SNX32: variants seen among roughly 807,000 people sequenced by gnomAD.
SNX32 encodes sorting nexin-32.
A neutral mutation model predicts 57.0 loss-of-function variants in SNX32; 58 were observed. The ratio of observed to expected loss-of-function variants is 1.02; its 90% CI spans 0.82 to 1.27. The LOEUF (loss-of-function observed/expected upper bound fraction) is 1.27, where lower values mean the gene tolerates loss of function less well. Among genes scored for constraint, SNX32 ranks in the 50% most tolerant of loss-of-function variants. The probability of loss-of-function intolerance (pLI) is 0.00; values close to 1 mark genes in which losing one functional copy is unlikely to be tolerated. For missense variants in SNX32, 589 were observed against 541.2 expected (o/e 1.09, Z -0.88); for synonymous variants, 262 against 220.4 (o/e 1.19, Z -1.67).
intron 1 of SNX32, among the ~76,000 whole-genome samples, chr11:65,844,040 T>C (rs1178180648): frequency 6.6e-6 from 1 of 152,048 alleles, no homozygotes; most frequent in Non-Finnish European, 1.5e-5. Context: ...ACTAACAGGG[T>C]GAAAGTAAAA....
At chr11:65,853,101 G>A in intron 12 of SNX32, 143 bp downstream of exon 12, 1 of 1,268,272 alleles carries the variant, frequency 7.9e-7, no homozygotes, top group African/African-American at 1.5e-5. Context: ...CCCCAGCTAA[G>A]GCTTGGGGCC....
At chr11:65,852,048 A>T (rs935663121) in intron 9 of SNX32, among the ~76,000 whole-genome samples, 1 of 152,018 alleles carries the variant, frequency 6.6e-6, no homozygotes, top group African/African-American at 2.4e-5. Flanking sequence ...TCTTCCTAAA[A>T]TGTCTATTGG....
intron 6 of SNX32, 33 bp downstream of exon 6, chr11:65,850,888 C>T (rs769922994): frequency 4.4e-6 from 7 of 1,586,816 alleles, no homozygotes; most frequent in Middle Eastern, 1.7e-4. Flanking sequence ...GGATTCAACC[C>T]AGCACCTCAA....
At chr11:65,849,354 A>G in intron 1 of SNX32, 124 bp from the exon 2 acceptor site, 1 of 714,818 alleles carries the variant, frequency 1.4e-6, no homozygotes, top group Non-Finnish European at 2.4e-6. Flanking sequence ...CTCTCTGGTG[A>G]CCTGGGGCAT....
At chr11:65,851,826 T>G (rs1418221128) in intron 9 of SNX32, 147 bp downstream of exon 9, 2 of 860,870 alleles carry the variant, frequency 2.3e-6, no homozygotes, top group African/African-American at 3.4e-5. Flanking sequence ...CCAGACTAGT[T>G]TAACAAAAGG....
intron 1 of SNX32, among the ~76,000 whole-genome samples, chr11:65,839,215 A>ATTTTTTTTTTTTTTTTTTTTTTTTT (rs1555032605): frequency 3.1e-4 from 6 of 19,512 alleles, no homozygotes; most frequent in African/African-American, 2.7e-4. Flanking sequence ...CGCCCAGCTA[A>ATTTTTTTTTTTTTTTTTTTTTTTTT]TTTTTTTGTA....
Position 65,850,043 on chromosome 11 carries a change from T to C in SNX32, c.252+13T>C, listed in dbSNP as rs747674281. ...CGCCGGCCTCATCGTGAGGAGGGGC[T>C]GGGCAGGGGCTGGGAGGGACAGGCA... On this transcript the variant is annotated intron_variant, in intron 3 of 12. Transcript: ENST00000308342. The C allele has an allele frequency of 2.3e-5, 37 of 1,613,950 alleles. No homozygotes were observed. Among genetic ancestry groups the C allele is most frequent in the Non-Finnish European group, 3.1e-5 (36 of 1,179,934 alleles).
chr11:65,845,269 C>T (rs1858960676), intron 1 of SNX32, among the ~76,000 whole-genome samples: 1 of 151,120 alleles, frequency 6.6e-6, no homozygotes, highest in Non-Finnish European at 1.5e-5. Context: ...GAAACCCCGT[C>T]TCTACTAAAA....
intron 1 of SNX32, among the ~76,000 whole-genome samples, chr11:65,848,314 G>C (rs193065635): frequency 4.5e-3 from 688 of 151,858 alleles, no homozygotes; most frequent in African/African-American, 0.016. Flanking sequence ...ATAAATGCAT[G>C]TTGCTTCCGG....
At chr11:65,838,679 T>C (rs1858737570) in intron 1 of SNX32, among the ~76,000 whole-genome samples, 1 of 152,194 alleles carries the variant, frequency 6.6e-6, no homozygotes, top group Non-Finnish European at 1.5e-5. Context: ...AAATACATTA[T>C]TTCAAATGCA....
Position 65,853,411 on chromosome 11 carries a change from G to A in SNX32, c.*76G>A. 7 of 1,457,504 alleles carry A rather than the reference G, an allele frequency of 4.8e-6. No homozygotes were observed. The highest frequency in any genetic ancestry group is 6.7e-6 in the Non-Finnish European group (7 of 1,040,926). 90.3% of individuals were successfully genotyped at this position (1,457,504 alleles called of 1,614,324 possible). A position where few individuals can be genotyped will look rare whatever the true frequency, so the allele number is the denominator to read the frequency against. The stretch of plus-strand genomic sequence containing the variant: ...TATCCCAGACCCCTCTCTCCGGCAA[G>A]ATGTCTCCTTCCCTAGCAGTGCCAC... On this transcript the variant is annotated 3_prime_UTR_variant, in exon 13 of 13. Coordinates refer to ENST00000308342, the MANE Select transcript of SNX32 (RefSeq NM_152760.3).
rs1437933370 is a variant in SNX32 at position 65,851,143 on chromosome 11, T to C, written c.692T>C (p.Val231Ala). The change falls in exon 7 of 13, where the codon GTC becomes GCC. Residue 231 changes from valine to alanine, a missense_variant. Physicochemically the swap from Val to Ala is moderately conservative, Grantham distance 64. Coordinates refer to ENST00000308342, the MANE Select transcript of SNX32 (RefSeq NM_152760.3). ...GATGCCTGCCTGCGGGCCGACCGCG[T>C]CATGCGCGCCCACAAGTGTACGCAG... Reference protein sequence around the residue: ...IRDACLRADRVMRAHKCLADD... With the variant: ...IRDACLRADRAMRAHKCLADD... 1 of 1,612,818 alleles carries C rather than the reference T, an allele frequency of 6.2e-7. No homozygotes were observed. Among genetic ancestry groups the C allele is most frequent in the South Asian group, 1.1e-5 (1 of 91,076 alleles).
chr11:65,837,818 A>T (rs1218141203), intron 1 of SNX32, among the ~76,000 whole-genome samples: 1 of 7,308 alleles, frequency 1.4e-4, no homozygotes, highest in African/African-American at 1.7e-4. Flanking sequence ...AGACTCTCTC[A>T]AAAAAAAAAA....
rs988394467 is a variant in SNX32 at position 65,853,584 on chromosome 11, C to A, written c.*249C>A. 3.4e-6 allele frequency: 2 copies of A among 581,634 alleles called. No individual in the cohort carries two copies. The highest frequency in any genetic ancestry group is 6.1e-6 in the Non-Finnish European group (2 of 325,566). 36.0% of individuals were successfully genotyped at this position (581,634 alleles called of 1,614,324 possible). On this transcript the variant is annotated 3_prime_UTR_variant, in exon 13 of 13. Coordinates refer to ENST00000308342, the MANE Select transcript of SNX32 (RefSeq NM_152760.3). ...CAGCAGAGCCCCAGGGACCCTGACA[C>A]CTCTCCCCAGGAAGCTGAGGAACAG...
At chr11:65,843,522 G>A (rs530785914) in intron 1 of SNX32, among the ~76,000 whole-genome samples, 4 of 152,160 alleles carry the variant, frequency 2.6e-5, no homozygotes, top group Admixed American at 2.0e-4. Context: ...AGCCAAGATC[G>A]TGCCACTGCA....
At chr11:65,841,648 C>T (rs1472378049) in intron 1 of SNX32, among the ~76,000 whole-genome samples, 2 of 151,892 alleles carry the variant, frequency 1.3e-5, no homozygotes, top group East Asian at 1.9e-4. Flanking sequence ...GCAGGAGAAT[C>T]GCTTGAACCC....
chr11:65,839,223 G>GTTTTTTTTTGTTTTTT (rs755185237), intron 1 of SNX32, among the ~76,000 whole-genome samples: 2 of 23,078 alleles, frequency 8.7e-5, no homozygotes, highest in Non-Finnish European at 1.4e-4. Flanking sequence ...TAATTTTTTT[G>GTTTTTTTTTGTTTTTT]TATTTTTTTT....
intron 1 of SNX32, among the ~76,000 whole-genome samples, chr11:65,838,686 T>G (rs897088875): frequency 1.3e-5 from 2 of 152,196 alleles, no homozygotes; most frequent in African/African-American, 4.8e-5. Flanking sequence ...TTATTTCAAA[T>G]GCACATGAAA....
intron 1 of SNX32, among the ~76,000 whole-genome samples, chr11:65,840,936 TTTTC>T (rs1039376618): frequency 6.6e-5 from 10 of 152,162 alleles, no homozygotes; most frequent in East Asian, 1.9e-4. Context: ...TATGGTTTTT[TTTTC>T]TTTCTTTCTT....
Sources: gnomAD v4.1 joint callset for allele counts (sites outside exome capture counted in the v4.1 genomes callset) on GRCh38, gnomAD v4.1.1 for gene constraint, MANE v1.5 for transcripts, NCBI Gene and HGNC (gene_info 2026-07-23, HGNC 2026-07-21) for gene names.